CTNNA2: variants seen among roughly 807,000 people sequenced by gnomAD.
CTNNA2 encodes the protein catenin alpha-2.
Under a neutral mutation model 101.0 loss-of-function variants are expected in CTNNA2, and 42 were observed. The ratio of observed to expected loss-of-function variants is 0.42; its 90% CI spans 0.32 to 0.54. The LOEUF (loss-of-function observed/expected upper bound fraction) is 0.54, where lower values mean the gene tolerates loss of function less well. CTNNA2 is among the 20% of genes least tolerant of loss of function. The probability of loss-of-function intolerance (pLI) is 0.14; values close to 1 mark genes in which losing one functional copy is unlikely to be tolerated. For synonymous variants in CTNNA2, 450 were observed against 456.4 expected (o/e 0.99, Z 0.18); for missense variants, 871 against 1,223.1 (o/e 0.71, Z 4.29).
At position 80,191,571 on chromosome 2, in the gene CTNNA2, T is replaced by C. The variant is rs537128282; in HGVS notation, c.1057-201640T>C. Among the ~76,000 whole-genome samples, 65 of 152,316 alleles carry C rather than the reference T, an allele frequency of 4.3e-4. 1 individual carries two copies. The highest frequency in any genetic ancestry group is 8.1e-4 in the Non-Finnish European group (55 of 68,032). Reference sequence around the variant, plus strand: ...CTCCTCACTGGTTTCCAACTGGAAATCAAGTAATCTCAGTATATACTCAAC... The same window carrying C: ...CTCCTCACTGGTTTCCAACTGGAAACCAAGTAATCTCAGTATATACTCAAC... On this transcript the variant is annotated intron_variant, in intron 7 of 18. Coordinates refer to ENST00000402739, the MANE Select transcript of CTNNA2 (RefSeq NM_001282597.3).
rs189411776 is a variant in CTNNA2, at chr2:80,633,691, G to A, written c.2575-13894G>A. ...AAAAAAGTTAACTTTTCTCTATTTCGGTTTTCTCATATATAAAGCAGCAAT... is the reference window on the plus strand; with the variant it reads ...AAAAAAGTTAACTTTTCTCTATTTCAGTTTTCTCATATATAAAGCAGCAAT... On this transcript the variant is annotated intron_variant, in intron 18 of 18. Coordinates refer to ENST00000402739, the MANE Select transcript of CTNNA2 (RefSeq NM_001282597.3). Among the ~76,000 whole-genome samples, 292 of 152,134 alleles carry A rather than the reference G, an allele frequency of 1.9e-3. 2 individuals carry two copies. The highest frequency in any genetic ancestry group is 6.4e-3 in the African/African-American group (266 of 41,508).
At chr2:79,985,605 G>A (rs1439443204) in intron 7 of CTNNA2, among the ~76,000 whole-genome samples, 1 of 152,174 alleles carries the variant, frequency 6.6e-6, no homozygotes, top group African/African-American at 2.4e-5. Context: ...TAAAGCAAAT[G>A]TTGTCACATT....
chr2:80,152,377 G>T (rs901151774), intron 7 of CTNNA2, among the ~76,000 whole-genome samples: 2 of 151,162 alleles, frequency 1.3e-5, no homozygotes, highest in Admixed American at 6.6e-5. Flanking sequence ...GTGCTTATGT[G>T]TGCATGTGTG....
intron 9 of CTNNA2, among the ~76,000 whole-genome samples, chr2:80,520,782 A>C (rs905531737): frequency 1.3e-5 from 2 of 152,202 alleles, no homozygotes; most frequent in Non-Finnish European, 2.9e-5. Context: ...TCTAAAGAGC[A>C]AGAAGCCGGC....
At chr2:79,835,666 G>GTTTTTTGTTTTTTTTTTTT (rs1679276639) in intron 3 of CTNNA2, among the ~76,000 whole-genome samples, 5 of 58,634 alleles carry the variant, frequency 8.5e-5, no homozygotes, top group African/African-American at 3.7e-4. Context: ...GCCTCTCTTT[G>GTTTTTTGTTTTTTTTTTTT]TTTTTTTTTT....
At chr2:80,345,037 A>G (rs1028832147) in intron 7 of CTNNA2, among the ~76,000 whole-genome samples, 2 of 152,088 alleles carry the variant, frequency 1.3e-5, no homozygotes, top group African/African-American at 4.8e-5. Flanking sequence ...ATACTTCCTA[A>G]TGGCTCTCCC....
chr2:79,920,791 G>A (rs1453809399), intron 7 of CTNNA2, among the ~76,000 whole-genome samples: 1 of 152,192 alleles, frequency 6.6e-6, no homozygotes, highest in Non-Finnish European at 1.5e-5. Context: ...TGGATAGAAT[G>A]ATCCCAGTAA....
At chr2:79,775,220 A>G (rs1452201584) in intron 3 of CTNNA2, among the ~76,000 whole-genome samples, 3 of 152,220 alleles carry the variant, frequency 2.0e-5, no homozygotes, top group African/African-American at 4.8e-5. Context: ...TATTTTAAAA[A>G]TTCTGCAGTT....
At chr2:80,644,009 T>C (rs1673775279) in intron 18 of CTNNA2, among the ~76,000 whole-genome samples, 1 of 152,162 alleles carries the variant, frequency 6.6e-6, no homozygotes, top group South Asian at 2.1e-4. Context: ...TTCCAGCCTG[T>C]TCATTAGTAG....
intron 3 of CTNNA2, among the ~76,000 whole-genome samples, chr2:79,326,541 T>C (rs1368297460): frequency 1.3e-5 from 2 of 152,180 alleles, no homozygotes; most frequent in African/African-American, 4.8e-5. Context: ...GCCCCTTAAA[T>C]ACTTGTCTTT....
chr2:80,159,735 A>C (rs1210731255), intron 7 of CTNNA2, among the ~76,000 whole-genome samples: 1 of 152,080 alleles, frequency 6.6e-6, no homozygotes, highest in Non-Finnish European at 1.5e-5. Context: ...CAGCCTCCCA[A>C]AGTGCTGGGA....
intron 15 of CTNNA2, among the ~76,000 whole-genome samples, chr2:80,589,959 G>T (rs1411076888): frequency 6.7e-6 from 1 of 150,304 alleles, no homozygotes; most frequent in African/African-American, 2.4e-5. Flanking sequence ...TTGTGATCTA[G>T]CATTAATTTA....
intron 9 of CTNNA2, among the ~76,000 whole-genome samples, chr2:80,544,723 A>G (rs1691886159): frequency 6.6e-6 from 1 of 152,156 alleles, no homozygotes; most frequent in African/African-American, 2.4e-5. Context: ...AGTTCATAAG[A>G]AAAAACAGTT....
At chr2:79,678,054 G>A (rs1308447698) in intron 2 of CTNNA2, among the ~76,000 whole-genome samples, 1 of 152,164 alleles carries the variant, frequency 6.6e-6, no homozygotes, top group African/African-American at 2.4e-5. Flanking sequence ...GACGGTGGTG[G>A]TGATTCTTTA....
chr2:79,777,767 T>G (rs1674091219), intron 3 of CTNNA2, among the ~76,000 whole-genome samples: 2 of 152,152 alleles, frequency 1.3e-5, no homozygotes, highest in Admixed American at 6.6e-5. Context: ...TGTCCCAATT[T>G]CTAACCTATA....
chr2:80,467,985 C>CAAA (rs1457266577), intron 9 of CTNNA2, among the ~76,000 whole-genome samples: 1 of 152,128 alleles, frequency 6.6e-6, no homozygotes, highest in African/African-American at 2.4e-5. Context: ...AAGATACAAA[C>CAAA]ATAATAGAAT....
At chr2:80,372,697 T>TA (rs1675561462) in intron 7 of CTNNA2, among the ~76,000 whole-genome samples, 2 of 151,460 alleles carry the variant, frequency 1.3e-5, no homozygotes, top group African/African-American at 2.4e-5. Flanking sequence ...TTTTTTTTTT[T>TA]ATTGAGCCAC....
intron 18 of CTNNA2, among the ~76,000 whole-genome samples, chr2:80,634,492 C>A (rs761970110): frequency 1.4e-5 from 2 of 146,414 alleles, no homozygotes; most frequent in South Asian, 2.6e-4. Flanking sequence ...TTAATGAGAG[C>A]AAAATCAGAA....
chr2:79,956,843 G>GTTTTTTTTTTTCTT (rs1689260238), intron 7 of CTNNA2, among the ~76,000 whole-genome samples: 20 of 98,936 alleles, frequency 2.0e-4, no homozygotes, highest in Non-Finnish European at 3.1e-4. Context: ...ATACGTGTGG[G>GTTTTTTTTTTTCTT]TTTTTTTTTT....
Sources: gnomAD v4.1 joint callset for allele counts (sites outside exome capture counted in the v4.1 genomes callset) on GRCh38, gnomAD v4.1.1 for gene constraint, MANE v1.5 for transcripts, NCBI Gene and HGNC (gene_info 2026-07-23, HGNC 2026-07-21) for gene names.